ZC3H7A: variants seen among roughly 807,000 people sequenced by gnomAD.
The protein encoded by ZC3H7A is zinc finger CCCH-type containing 7A.
A neutral mutation model predicts 125.5 loss-of-function variants in ZC3H7A; 44 were observed. That is an observed-to-expected ratio of 0.35 (90% CI 0.28 to 0.45). The LOEUF (loss-of-function observed/expected upper bound fraction) is 0.45. ZC3H7A is among the 20% of genes least tolerant of loss of function. The pLI, the probability that ZC3H7A is intolerant of heterozygous loss-of-function variation, is 1.00. For missense variants in ZC3H7A, 977 were observed against 1,170.7 expected (o/e 0.83, Z 2.41); for synonymous variants, 399 against 391.2 (o/e 1.02, Z -0.23).
chr16:11,751,357 T>C lies in ZC3H7A; in HGVS notation c.2876A>G (p.Asp959Gly). Residue 959 changes from aspartate to glycine, a missense_variant, in exon 23 of 23, where the codon GAC becomes GGC. Physicochemically the swap from Asp to Gly is moderately conservative, Grantham distance 94. This residue lies in a region of ZC3H7A where 436 missense variants were observed against 603.2 expected (regional missense o/e 0.72). Coordinates refer to ENST00000355758, the MANE Select transcript of ZC3H7A (RefSeq NM_014153.4). ...KDHLIGPNDN[D>G]FGKYSFLFKD... is the part of the protein sequence containing the mutation. ...AAACAAAAAACTATATTTTCCAAAG[T>C]CATTATCATTTGGGCCAATTAAGTG... The C allele has an allele frequency of 1.2e-6, 2 of 1,613,744 alleles. No individual in the cohort carries two copies. The highest frequency in any genetic ancestry group is 1.7e-6 in the Non-Finnish European group (2 of 1,179,942).
Position 11,764,563 on chromosome 16 carries a change from A to G in ZC3H7A, c.1820+490T>C, listed in dbSNP as rs535372678. On this transcript the variant is annotated intron_variant, in intron 15 of 22. Transcript: ENST00000355758. Reference sequence around the variant, plus strand: ...GACTTCGTCTCAAAAAAATTAAAAAATACAAAAAATTAGCCAGGCCTAGTG... The same window carrying G: ...GACTTCGTCTCAAAAAAATTAAAAAGTACAAAAAATTAGCCAGGCCTAGTG... Among the ~76,000 whole-genome samples the G allele has an allele frequency of 5.3e-5, 8 of 152,260 alleles. No homozygotes were observed. In the East Asian group the frequency reaches 7.7e-4, roughly 15 times the overall value.
intron 13 of ZC3H7A, among the ~76,000 whole-genome samples, chr16:11,767,011 T>A (rs965623896): frequency 2.1e-5 from 3 of 142,216 alleles, no homozygotes; most frequent in African/African-American, 6.3e-5. Flanking sequence ...CATAATGTAA[T>A]AAATTACATA....
At position 11,756,362 on chromosome 16, in the gene ZC3H7A, T is replaced by C. The variant is rs2052649546; in HGVS notation, c.2437A>G (p.Met813Val). The C allele has an allele frequency of 2.5e-6, 4 of 1,610,056 alleles. No individual in the cohort carries two copies. Among genetic ancestry groups the C allele is most frequent in the Non-Finnish European group, 3.4e-6 (4 of 1,179,038 alleles). Reference protein sequence around the residue: ...TYMKENGIQDMEQFYELWLKS... With the variant: ...TYMKENGIQDVEQFYELWLKS... ...AGCCATAGTTCGTAAAATTGCTCCA[T>C]ATCTTGTACTAAAGAAAAATGAATT... Residue 813 changes from methionine to valine, a missense_variant, in exon 21 of 23, where the codon ATG becomes GTG. Physicochemically the swap from Met to Val is conservative, Grantham distance 21. Around this residue, in one of 3 missense-constraint regions of ZC3H7A, gnomAD observed 436 missense variants for 603.2 expected, o/e 0.72. Coordinates refer to ENST00000355758, the MANE Select transcript of ZC3H7A (RefSeq NM_014153.4).
chr16:11,755,547 G>A (rs187796471), intron 21 of ZC3H7A, among the ~76,000 whole-genome samples: 111 of 152,162 alleles, frequency 7.3e-4, no homozygotes, highest in South Asian at 1.7e-3. Context: ...AAGGTCCAGC[G>A]GGGTAGACAG....
chr16:11,775,021 T>A lies in ZC3H7A; in HGVS notation c.586-8A>T. On this transcript the variant is annotated splice_polypyrimidine_tract_variant and splice_region_variant and intron_variant, in intron 7 of 22. Coordinates refer to ENST00000355758, the MANE Select transcript of ZC3H7A (RefSeq NM_014153.4). ...CACAGAATGGTTCAAAGCCTAGAAATTAAACCAAACAATGGGTTATAATAT... is the reference window on the plus strand; with the variant it reads ...CACAGAATGGTTCAAAGCCTAGAAAATAAACCAAACAATGGGTTATAATAT... 2 of 1,613,998 alleles carry A rather than the reference T, an allele frequency of 1.2e-6. No individual in the cohort carries two copies. Among genetic ancestry groups the A allele is most frequent in the South Asian group, 1.1e-5 (1 of 91,078 alleles).
rs2053454882 is a variant in ZC3H7A, at chr16:11,797,132, AC to A, written c.-44del. The A allele has an allele frequency of 6.8e-6, 1 of 147,798 alleles. No homozygotes were observed. The highest frequency in any genetic ancestry group is 6.8e-5 in the Admixed American group (1 of 14,632). The allele number at this position is 147,798 out of a possible 1,614,324, so 9.2% of individuals were successfully genotyped here. On this transcript the variant is annotated 5_prime_UTR_variant, in exon 1 of 23. Transcript: ENST00000355758. The stretch of plus-strand genomic sequence containing the variant: ...CGTCCCCCTACCCCTACCTGTGGGG[AC>A]GACGCGCCGGCCGGCGGCAGAAGGC...
At chr16:11,789,802 C>T (rs2053319879) in intron 1 of ZC3H7A, among the ~76,000 whole-genome samples, 1 of 151,820 alleles carries the variant, frequency 6.6e-6, no homozygotes, top group South Asian at 2.1e-4. Context: ...TAGGATAGGC[C>T]AGCCATGGTG....
rs760097670 is a variant in ZC3H7A, at chr16:11,761,490, C to T, written c.2235G>A (p.Ala745=). The T allele has an allele frequency of 8.7e-6, 14 of 1,613,884 alleles. No homozygotes were observed. Among genetic ancestry groups the T allele is most frequent in the East Asian group, 2.2e-5 (1 of 44,888 alleles). ...TACGTTCAATAGACATCACTCTCAT[C>T]GCACGCCGGTCTTTGGTCCACCTAA... ...ARHSWTKDRR[A]MRVMSIERKK... is the part of the protein sequence containing the mutation. Residue 745 remains alanine (A), a synonymous_variant, in exon 19 of 23, where the codon GCG becomes GCA. Transcript: ENST00000355758.
chr16:11,764,747 T>C (rs2052825180), intron 15 of ZC3H7A, among the ~76,000 whole-genome samples: 1 of 151,638 alleles, frequency 6.6e-6, no homozygotes, highest in African/African-American at 2.4e-5. Context: ...AAAAACCAAA[T>C]CACTACATGC....
In ZC3H7A at chr16:11,756,425, T is replaced by G. The variant is rs567846395; in HGVS notation, c.2429-55A>C. On this transcript the variant is annotated intron_variant, in intron 20 of 22. Transcript: ENST00000355758. ...AGCAACTAAACTCCATTTAAATACA[T>G]GCAACTATGTGCATATTTTGTAGCA... The G allele has an allele frequency of 1.5e-5, 23 of 1,582,508 alleles. No individual in the cohort carries two copies. In the Admixed American group the frequency reaches 3.5e-4, roughly 24 times the overall value.
At chr16:11,785,565 G>A (rs377235806) in intron 1 of ZC3H7A, among the ~76,000 whole-genome samples, 1 of 149,612 alleles carries the variant, frequency 6.7e-6, no homozygotes, top group South Asian at 2.1e-4. Context: ...AATGCCTGAA[G>A]AAATTATAGG....
At position 11,762,660 on chromosome 16, in the gene ZC3H7A, G is replaced by C; in HGVS notation, c.2079+11C>G. ...GACACCAAATGCAGAAAGTACACAA[G>C]AGAAAAATACCTGCGCTCCAGGTAC... On this transcript the variant is annotated intron_variant, in intron 17 of 22. Coordinates refer to ENST00000355758, the MANE Select transcript of ZC3H7A (RefSeq NM_014153.4). 6.2e-7 allele frequency: 1 copy of C among 1,613,604 alleles called. No individual in the cohort carries two copies. The highest frequency in any genetic ancestry group is 1.1e-5 in the South Asian group (1 of 91,066).
chr16:11,760,982 G>A (rs945544602), intron 19 of ZC3H7A, among the ~76,000 whole-genome samples: 1 of 152,098 alleles, frequency 6.6e-6, no homozygotes, highest in African/African-American at 2.4e-5. Flanking sequence ...TTGTAGCTAC[G>A]TATCCCTTGC....
At chr16:11,769,224 G>A in intron 10 of ZC3H7A, 129 bp from the exon 11 acceptor site, 1 of 738,384 alleles carries the variant, frequency 1.4e-6, no homozygotes, top group Non-Finnish European at 2.0e-6. Context: ...AAATTTTCTT[G>A]CTCAAGGTTG....
At chr16:11,757,755 G>A (rs186246629) in intron 20 of ZC3H7A, among the ~76,000 whole-genome samples, 8 of 152,250 alleles carry the variant, frequency 5.3e-5, no homozygotes, top group Non-Finnish European at 7.4e-5. Context: ...ACAGCTAGAG[G>A]GAATCCCGTC....
intron 17 of ZC3H7A, 75 bp downstream of exon 17, chr16:11,762,596 T>C: frequency 7.3e-7 from 1 of 1,372,924 alleles, no homozygotes; most frequent in South Asian, 1.2e-5. Flanking sequence ...GTTAACTGCA[T>C]CCACCAACAA....
chr16:11,793,664 G>A (rs1274336759), intron 1 of ZC3H7A, among the ~76,000 whole-genome samples: 2 of 152,114 alleles, frequency 1.3e-5, no homozygotes, highest in Non-Finnish European at 2.9e-5. Flanking sequence ...TATCATTATT[G>A]TCATCCTTAA....
chr16:11,761,341 C>A (rs1228006181), intron 19 of ZC3H7A, 65 bp downstream of exon 19: 1 of 1,408,804 alleles, frequency 7.1e-7, no homozygotes, highest in African/African-American at 1.4e-5. Flanking sequence ...ATCTGAATTA[C>A]TACTATTTTC....
At chr16:11,784,294 T>C (rs895279492) in intron 1 of ZC3H7A, among the ~76,000 whole-genome samples, 1 of 152,212 alleles carries the variant, frequency 6.6e-6, no homozygotes, top group African/African-American at 2.4e-5. Flanking sequence ...TTGGACATGT[T>C]GGCCCATGTC....
Sources: allele counts gnomAD v4.1 joint callset (sites outside exome capture counted in the v4.1 genomes callset), GRCh38; gene constraint gnomAD v4.1.1; regional missense constraint gnomAD v4.1.1; transcripts MANE v1.5; gene names NCBI Gene and HGNC (gene_info 2026-07-23, HGNC 2026-07-21).